Variants in OSBP2 observed in about 807,000 individuals in gnomAD.
OSBP2 encodes the protein oxysterol binding protein 2.
Under a neutral mutation model 96.0 loss-of-function variants are expected in OSBP2, and 66 were observed. The ratio of observed to expected loss-of-function variants is 0.69; its 90% CI spans 0.56 to 0.84. The LOEUF is 0.84. OSBP2 is among the 40% of genes least tolerant of loss of function. The pLI is 0.00. For synonymous variants in OSBP2, 525 were observed against 520.9 expected, an observed-to-expected ratio of 1.01 and a Z score of -0.11; for missense variants, 1,038 against 1,222.7, an observed-to-expected ratio of 0.85 and a Z score of 2.25.
At chr22:30,885,419 C>T (rs866253940) in intron 3 of OSBP2, among the ~76,000 whole-genome samples, 2 of 152,242 alleles carry the variant, frequency 1.3e-5, no homozygotes, top group Non-Finnish European at 1.5e-5. Flanking sequence ...AATGACAGGG[C>T]AGAATGACCA....
chr22:30,807,337 A>G lies in OSBP2; in HGVS notation c.854-63092A>G, dbSNP rs533267799. Among the ~76,000 whole-genome samples the G allele has an allele frequency of 2.6e-5, 4 of 152,282 alleles. No individual in the cohort carries two copies. In the East Asian group the frequency reaches 5.8e-4, roughly 22 times the overall value. On this transcript the variant is annotated intron_variant, in intron 2 of 13. Coordinates refer to ENST00000332585, the MANE Select transcript of OSBP2 (RefSeq NM_030758.4). ...GTCGCTTCCCTCAAGCCGTGCTGCC[A>G]CTGCCCTGATTGGGCTCCTCATTAC... is the stretch of plus-strand genomic sequence containing the variant.
intron 1 of OSBP2, among the ~76,000 whole-genome samples, chr22:30,708,930 A>C (rs1034156322): frequency 6.6e-6 from 1 of 151,558 alleles, no homozygotes; most frequent in East Asian, 2.0e-4. Context: ...GTGAAAACTT[A>C]TCTCTACTAA....
At chr22:30,815,819 G>GT (rs1329797662) in intron 2 of OSBP2, among the ~76,000 whole-genome samples, 2 of 151,938 alleles carry the variant, frequency 1.3e-5, no homozygotes, top group Admixed American at 1.3e-4. Flanking sequence ...ATTCCACTGA[G>GT]TTGCCATACT....
At chr22:30,860,691 C>A (rs2147085377) in intron 2 of OSBP2, among the ~76,000 whole-genome samples, 1 of 152,328 alleles carries the variant, frequency 6.6e-6, no homozygotes, top group Admixed American at 6.5e-5. Context: ...GAGCCCACCA[C>A]AGAGCTGGAT....
intron 12 of OSBP2, among the ~76,000 whole-genome samples, chr22:30,903,245 G>T (rs1169142375): frequency 6.6e-6 from 1 of 152,154 alleles, no homozygotes; most frequent in African/African-American, 2.4e-5. Context: ...TCTGTATTGC[G>T]TTGGCTTCCA....
chr22:30,874,361 A>T (rs909011143), intron 3 of OSBP2, among the ~76,000 whole-genome samples: 1 of 152,154 alleles, frequency 6.6e-6, no homozygotes, highest in African/African-American at 2.4e-5. Context: ...GCAGTGAGCC[A>T]AGATCACGCC....
Position 30,906,259 on chromosome 22 carries a change from G to T in OSBP2, c.2671G>T (p.Glu891Ter), listed in dbSNP as rs1394113039. Residue 891 changes from glutamate to a stop codon, truncating the protein, a stop_gained, in exon 14 of 14, where the codon GAG (glutamate) becomes TAG (stop). Transcript: ENST00000332585. LOFTEE classifies it high-confidence loss of function. ...FEKRLDPLTG[E>*]MACVYKGGYW... ...GAAGAGGCTGGATCCGCTGACCGGG[G>T]AGATGGCCTGTGTGTACAAGGGCGG... The T allele has an allele frequency of 6.2e-7, 1 of 1,614,094 alleles. No individual in the cohort carries two copies. Among genetic ancestry groups the T allele is most frequent in the African/African-American group, 1.3e-5 (1 of 74,950 alleles).
At chr22:30,812,514 T>A (rs764108373) in intron 2 of OSBP2, among the ~76,000 whole-genome samples, 1 of 152,224 alleles carries the variant, frequency 6.6e-6, no homozygotes, top group Non-Finnish European at 1.5e-5. Flanking sequence ...TATAATGTAT[T>A]TAATCATTTT....
chr22:30,822,792 C>A (rs2038307927), intron 2 of OSBP2: 2 of 1,270,100 alleles, frequency 1.6e-6, no homozygotes, highest in Admixed American at 2.2e-5. Flanking sequence ...GCTGCGTGAT[C>A]GATCCACGGG....
At chr22:30,726,487 G>T (rs1226896717) in intron 1 of OSBP2, among the ~76,000 whole-genome samples, 1 of 152,012 alleles carries the variant, frequency 6.6e-6, no homozygotes, top group Non-Finnish European at 1.5e-5. Context: ...TCAGAGGGTG[G>T]GGACAAGGAG....
At chr22:30,866,856 G>A (rs1291449245) in intron 2 of OSBP2, among the ~76,000 whole-genome samples, 3 of 152,160 alleles carry the variant, frequency 2.0e-5, no homozygotes, top group South Asian at 2.1e-4. Context: ...ATTCTCTCTC[G>A]GTTCTGAACT....
intron 2 of OSBP2, among the ~76,000 whole-genome samples, chr22:30,849,890 T>A (rs1367784391): frequency 6.6e-6 from 1 of 152,224 alleles, no homozygotes; most frequent in Non-Finnish European, 1.5e-5. Flanking sequence ...AGTTTTTGTG[T>A]ATGGGGTGAC....
intron 2 of OSBP2, among the ~76,000 whole-genome samples, chr22:30,867,813 C>T (rs925764776): frequency 5.9e-5 from 9 of 152,270 alleles, no homozygotes; most frequent in African/African-American, 2.2e-4. Context: ...CTGTACCTCT[C>T]ACCAGCTCTT....
chr22:30,868,726 C>CA (rs1390616819), intron 2 of OSBP2, among the ~76,000 whole-genome samples: 2 of 152,174 alleles, frequency 1.3e-5, no homozygotes, highest in African/African-American at 4.8e-5. Context: ...CAGAGGGGGA[C>CA]AGGGTATGCC....
intron 11 of OSBP2, 34 bp downstream of exon 11, chr22:30,893,767 G>A (rs1176519925): frequency 3.1e-6 from 5 of 1,612,264 alleles, no homozygotes; most frequent in Non-Finnish European, 4.2e-6. Flanking sequence ...AGCACCCCAG[G>A]GGGCCCAGGG....
At chr22:30,855,863 G>C (rs2039067753) in intron 2 of OSBP2, among the ~76,000 whole-genome samples, 1 of 152,220 alleles carries the variant, frequency 6.6e-6, no homozygotes, top group Non-Finnish European at 1.5e-5. Flanking sequence ...AAGCCTGCCT[G>C]ACTGGGAGAG....
At chr22:30,755,619 A>G (rs2090130765) in intron 2 of OSBP2, among the ~76,000 whole-genome samples, 2 of 152,088 alleles carry the variant, frequency 1.3e-5, no homozygotes, top group African/African-American at 2.4e-5. Context: ...TTCTGAGGGC[A>G]TGTTGAGTCA....
chr22:30,740,768 C>T lies in OSBP2; in HGVS notation c.645-393C>T, dbSNP rs141396211. Among the ~76,000 whole-genome samples the T allele has an allele frequency of 4.1e-4, 63 of 152,300 alleles. 1 individual carries two copies. The East Asian group carries it at 0.012, about 28-fold the overall frequency. On this transcript the variant is annotated intron_variant, in intron 1 of 13. Transcript: ENST00000332585. ...CTGAGATTACAGGTGTGAGCCACCG[C>T]GCCTGGCCCCAACTCCATGGTTCTA...
chr22:30,785,206 A>C (rs1233515318), intron 2 of OSBP2, among the ~76,000 whole-genome samples: 1 of 152,182 alleles, frequency 6.6e-6, no homozygotes, highest in Non-Finnish European at 1.5e-5. Flanking sequence ...TGTAGATTTA[A>C]ACTTTCCTCT....
Sources: gnomAD v4.1 joint callset for allele counts (sites outside exome capture counted in the v4.1 genomes callset) on GRCh38, gnomAD v4.1.1 for gene constraint, MANE v1.5 for transcripts, NCBI Gene and HGNC (gene_info 2026-07-23, HGNC 2026-07-21) for gene names.